SLAMF6: variants seen among roughly 807,000 people sequenced by gnomAD.
The protein encoded by SLAMF6 is NK-T-B-antigen.
In SLAMF6, 21 loss-of-function variants were observed where a neutral mutation model predicts 38.3. That is an observed-to-expected ratio of 0.55 (90% CI 0.39 to 0.79). SLAMF6 has a LOEUF of 0.79. SLAMF6 is among the 30% of genes least tolerant of loss of function. The probability of loss-of-function intolerance (pLI) is 0.00; values close to 1 mark genes in which losing one functional copy is unlikely to be tolerated. For missense variants in SLAMF6, 341 were observed against 385.3 expected (o/e 0.89, Z 0.96); for synonymous variants, 152 against 146.3 (o/e 1.04, Z -0.28).
At chr1:160,493,420 C>G (rs1328016070) in intron 2 of SLAMF6, among the ~76,000 whole-genome samples, 1 of 152,156 alleles carries the variant, frequency 6.6e-6, no homozygotes, top group Non-Finnish European at 1.5e-5. Flanking sequence ...GTTCTAATCT[C>G]TCCTTTGTTC....
At chr1:160,515,207 C>A (rs950196132) in intron 1 of SLAMF6, among the ~76,000 whole-genome samples, 4 of 152,096 alleles carry the variant, frequency 2.6e-5, no homozygotes, top group Non-Finnish European at 4.4e-5. Context: ...GAAATAAAAA[C>A]AATCATCAGA....
At chr1:160,504,573 T>C (rs1480203634) in intron 1 of SLAMF6, among the ~76,000 whole-genome samples, 1 of 152,204 alleles carries the variant, frequency 6.6e-6, no homozygotes, top group Non-Finnish European at 1.5e-5. Context: ...TTGTCTGTTT[T>C]CAACTATCTG....
intron 1 of SLAMF6, among the ~76,000 whole-genome samples, chr1:160,504,896 C>T (rs765671774): frequency 2.0e-5 from 3 of 152,126 alleles, no homozygotes; most frequent in African/African-American, 4.8e-5. Context: ...TGAGAAGACT[C>T]TAAGATTTTA....
intron 1 of SLAMF6, among the ~76,000 whole-genome samples, chr1:160,507,609 G>A (rs750178710): frequency 5.9e-5 from 9 of 151,988 alleles, no homozygotes; most frequent in South Asian, 2.1e-4. Flanking sequence ...ATGCACATAA[G>A]TCGTTCTCAT....
rs190931930 is a variant in SLAMF6, at chr1:160,515,154, A to G, written c.49+7990T>C. Among the ~76,000 whole-genome samples, 755 of 152,246 alleles carry G rather than the reference A, an allele frequency of 5.0e-3. 4 individuals are homozygous for G. Among genetic ancestry groups the G allele is most frequent in the African/African-American group, 0.017 (713 of 41,568 alleles). ...GAAAAGAGAGAAGAATCAAATGGAC[A>G]CAATAAAAAATGTTAAAAGAGGATA... is the stretch of plus-strand genomic sequence containing the variant. On this transcript the variant is annotated intron_variant, in intron 1 of 7. Transcript: ENST00000368057.
intron 1 of SLAMF6, among the ~76,000 whole-genome samples, chr1:160,512,154 CT>C (rs1654503083): frequency 6.6e-6 from 1 of 152,218 alleles, no homozygotes; most frequent in Non-Finnish European, 1.5e-5. Context: ...CAGCTTCTGT[CT>C]GCTGCTTTCC....
chr1:160,509,260 T>C (rs989186464), intron 1 of SLAMF6, among the ~76,000 whole-genome samples: 24 of 152,144 alleles, frequency 1.6e-4, no homozygotes, highest in Non-Finnish European at 2.9e-5. Context: ...AACCCAAATG[T>C]CCAACAATGA....
At chr1:160,493,170 T>C (rs866242105) in intron 2 of SLAMF6, among the ~76,000 whole-genome samples, 1 of 152,228 alleles carries the variant, frequency 6.6e-6, no homozygotes, top group African/African-American at 2.4e-5. Flanking sequence ...GGCCTCATTT[T>C]CTATTACCTT....
At chr1:160,498,150 T>A (rs1402644968) in intron 1 of SLAMF6, among the ~76,000 whole-genome samples, 1 of 151,044 alleles carries the variant, frequency 6.6e-6, no homozygotes, top group Non-Finnish European at 1.5e-5. Context: ...TAGCACCTGT[T>A]TTTTTTTTAT....
intron 2 of SLAMF6, among the ~76,000 whole-genome samples, chr1:160,491,709 C>T (rs1249550): frequency 0.7 from 106,414 of 152,034 alleles, 37,367 homozygotes; most frequent in South Asian, 0.79. Flanking sequence ...CCTGGGTTCC[C>T]TTCTAGTCCT....
At chr1:160,491,547 G>T in intron 2 of SLAMF6, 159 bp from the exon 3 acceptor site, 1 of 579,780 alleles carries the variant, frequency 1.7e-6, no homozygotes, top group Non-Finnish European at 2.2e-6. Flanking sequence ...CCTAATTGAT[G>T]GTAGCAAGGT....
intron 1 of SLAMF6, among the ~76,000 whole-genome samples, chr1:160,510,739 C>T (rs958182578): frequency 6.6e-6 from 1 of 151,886 alleles, no homozygotes; most frequent in African/African-American, 2.4e-5. Context: ...CTAGCCAGAG[C>T]AATTAGGCAA....
chr1:160,512,803 CAGAA>C (rs796630170), intron 1 of SLAMF6, among the ~76,000 whole-genome samples: 6 of 152,280 alleles, frequency 3.9e-5, no homozygotes, highest in African/African-American at 9.6e-5. Context: ...GAAAAACAAA[CAGAA>C]AGCAACAACA....
At chr1:160,514,810 G>C (rs1195284410) in intron 1 of SLAMF6, among the ~76,000 whole-genome samples, 1 of 152,174 alleles carries the variant, frequency 6.6e-6, no homozygotes, top group African/African-American at 2.4e-5. Context: ...AAACCAATGA[G>C]AACAAAGAGA....
At chr1:160,519,414 A>G (rs1016261285) in intron 1 of SLAMF6, among the ~76,000 whole-genome samples, 12 of 152,212 alleles carry the variant, frequency 7.9e-5, no homozygotes, top group Non-Finnish European at 1.2e-4. Flanking sequence ...GCAATTTCCC[A>G]AAAAGTTAAG....
At chr1:160,491,065 G>A (rs147248511) in intron 3 of SLAMF6, 60 bp downstream of exon 3, 6 of 1,590,462 alleles carry the variant, frequency 3.8e-6, no homozygotes, top group Non-Finnish European at 5.1e-6. Context: ...TACGTAGGAT[G>A]TGAGGACGCG....
At chr1:160,508,454 A>G (rs887303138) in intron 1 of SLAMF6, among the ~76,000 whole-genome samples, 1 of 152,364 alleles carries the variant, frequency 6.6e-6, no homozygotes, top group Non-Finnish European at 1.5e-5. Context: ...CTGGCTAGCC[A>G]TATGTAGAAA....
intron 1 of SLAMF6, among the ~76,000 whole-genome samples, chr1:160,498,187 TGAAAGAA>T (rs1374922213): frequency 2.4e-4 from 36 of 152,188 alleles, no homozygotes; most frequent in African/African-American, 8.7e-4. Flanking sequence ...ATAGACATTC[TGAAAGAA>T]TGAAGGGTCC....
At chr1:160,519,325 G>A (rs1333906584) in intron 1 of SLAMF6, among the ~76,000 whole-genome samples, 1 of 152,188 alleles carries the variant, frequency 6.6e-6, no homozygotes, top group Non-Finnish European at 1.5e-5. Flanking sequence ...AAGTGTTGAT[G>A]AGGATGTGGA....
Sources: allele counts gnomAD v4.1 joint callset (sites outside exome capture counted in the v4.1 genomes callset), GRCh38; gene constraint gnomAD v4.1.1; transcripts MANE v1.5; gene names NCBI Gene and HGNC (gene_info 2026-07-23, HGNC 2026-07-21).